The following SH3BP2 variants were observed in gnomAD, a reference collection of about 807,000 sequenced individuals.
SH3BP2 encodes the protein SH3 domain-binding protein 2.
A neutral mutation model predicts 56.2 loss-of-function variants in SH3BP2; 38 were observed. The ratio of observed to expected loss-of-function variants is 0.68; its 90% CI spans 0.52 to 0.89. The LOEUF is 0.89. Among genes scored for constraint, SH3BP2 ranks in the 40% least tolerant of loss-of-function variants. The pLI, the probability that SH3BP2 is intolerant of heterozygous loss-of-function variation, is 0.00. For synonymous variants in SH3BP2, 346 were observed against 316.7 expected, an observed-to-expected ratio of 1.09 and a Z score of -0.98; for missense variants, 748 against 762.6, an observed-to-expected ratio of 0.98 and a Z score of 0.23.
intron 12 of SH3BP2, 141 bp downstream of exon 12, chr4:2,833,190 A>G: frequency 1.3e-6 from 1 of 746,752 alleles, no homozygotes; most frequent in Non-Finnish European, 2.3e-6. Flanking sequence ...CCCCTCCACC[A>G]TCGCTCACCC....
chr4:2,807,333 C>G (rs763290153), intron 1 of SH3BP2, among the ~76,000 whole-genome samples: 1 of 152,212 alleles, frequency 6.6e-6, no homozygotes, highest in Non-Finnish European at 1.5e-5. Context: ...GTTACAACCT[C>G]GCTGGGGTCT....
intron 1 of SH3BP2, among the ~76,000 whole-genome samples, chr4:2,801,789 G>T (rs1723292001): frequency 6.6e-6 from 1 of 152,180 alleles, no homozygotes. Flanking sequence ...CAACATCCGG[G>T]AAAAAAACCC....
Position 2,803,994 on chromosome 4 carries a change from C to T in SH3BP2, c.-5+10856C>T, listed in dbSNP as rs1723429448. ...CTGAGTGCCTCCCCTGTGCCCGATA[C>T]CATGAGACTTCAGGCCGAGTGGAGT... On this transcript the variant is annotated intron_variant, in intron 1 of 12. Transcript: ENST00000503393. Among the ~76,000 whole-genome samples, 3 of 152,134 alleles carry T rather than the reference C, an allele frequency of 2.0e-5. No individual in the cohort carries two copies. The South Asian group carries it at 6.2e-4, about 32-fold the overall frequency.
At position 2,810,595 on chromosome 4, in the gene SH3BP2, A is replaced by G. The variant is rs898418584; in HGVS notation, c.-4-10019A>G. On this transcript the variant is annotated intron_variant, in intron 1 of 12. Transcript: ENST00000503393. The surrounding 1 kb of genome is among the most constrained non-coding windows in gnomAD (Gnocchi z 4.2). Reference sequence around the variant, plus strand: ...TCATCCCTGAAGCTGTGCGTTGGCCACCTCATTGCCTGTGGATTCCTCCCA... The same window carrying G: ...TCATCCCTGAAGCTGTGCGTTGGCCGCCTCATTGCCTGTGGATTCCTCCCA... Among the ~76,000 whole-genome samples the G allele has an allele frequency of 2.0e-5, 3 of 151,652 alleles. No homozygotes were observed. Among genetic ancestry groups the G allele is most frequent in the African/African-American group, 7.3e-5 (3 of 41,256 alleles).
intron 5 of SH3BP2, 71 bp from the exon 6 acceptor site, chr4:2,827,159 C>T (rs764951571): frequency 4.0e-6 from 5 of 1,244,708 alleles, no homozygotes; most frequent in Non-Finnish European, 4.7e-6. Flanking sequence ...CTGTGTGTAC[C>T]TTTGTGTGAG....
At chr4:2,818,337 G>A (rs946675007) in intron 1 of SH3BP2, 17 of 1,167,348 alleles carry the variant, frequency 1.5e-5, no homozygotes, top group Non-Finnish European at 1.8e-5. Flanking sequence ...GCTCGCAGGG[G>A]AGGCGGGCGT....
chr4:2,824,222 CAG>C (rs1442820022), intron 3 of SH3BP2, among the ~76,000 whole-genome samples: 6 of 152,214 alleles, frequency 3.9e-5, no homozygotes, highest in Non-Finnish European at 8.8e-5. Context: ...GAAATGCACT[CAG>C]GGCTGCTGCT....
At chr4:2,795,800 G>A (rs778449849) in intron 1 of SH3BP2, among the ~76,000 whole-genome samples, 1 of 152,176 alleles carries the variant, frequency 6.6e-6, no homozygotes, top group South Asian at 2.1e-4. Flanking sequence ...GTATGGAGGG[G>A]CCTGGGAGGC....
chr4:2,832,310 A>C (rs1183182679), intron 10 of SH3BP2, 21 bp from the exon 11 acceptor site: 3 of 1,601,512 alleles, frequency 1.9e-6, no homozygotes, highest in Non-Finnish European at 1.7e-6. Flanking sequence ...CTCACCCGCT[A>C]ATATGACTGT....
In SH3BP2 at chr4:2,794,912, G is replaced by C. The variant is rs536761835; in HGVS notation, c.-5+1774G>C. 4.0e-4 allele frequency among the ~76,000 whole-genome samples: 61 copies of C among 152,320 alleles called. No individual in the cohort carries two copies. The South Asian group carries it at 0.013, about 32-fold the overall frequency. Reference sequence around the variant, plus strand: ...CCAGAGAGACGAGATGGCCAGCCTTGGTTCCTGAGGGGCAGGGAGGAAGGG... The same window carrying C: ...CCAGAGAGACGAGATGGCCAGCCTTCGTTCCTGAGGGGCAGGGAGGAAGGG... On this transcript the variant is annotated intron_variant, in intron 1 of 12. Coordinates refer to ENST00000503393, the MANE Select transcript of SH3BP2 (RefSeq NM_001122681.2).
chr4:2,820,251 C>T (rs1014022297), intron 1 of SH3BP2, among the ~76,000 whole-genome samples: 4 of 152,214 alleles, frequency 2.6e-5, no homozygotes, highest in African/African-American at 9.7e-5. Context: ...TGAGGTCTCA[C>T]TTACCTGGGC....
In SH3BP2 at chr4:2,827,663, G is replaced by A. The variant is rs1278993439; in HGVS notation, c.575G>A (p.Gly192Glu). 1.4e-6 allele frequency: 2 copies of A among 1,399,366 alleles called. No homozygotes were observed. Among genetic ancestry groups the A allele is most frequent in the South Asian group, 1.2e-5 (1 of 84,632 alleles). 86.7% of individuals were successfully genotyped at this position (1,399,366 alleles called of 1,614,324 possible). Residue 192 changes from glycine to glutamate, a missense_variant, in exon 7 of 13, where the codon GGA becomes GAA. By Grantham distance (98) the Gly-to-Glu change is moderately conservative (BLOSUM62 -2). Around this residue, in one of 3 missense-constraint regions of SH3BP2, gnomAD observed 635 missense variants for 615.0 expected, o/e 1.03. Transcript: ENST00000503393. The part of the protein sequence containing the change: ...SYLEPDSPEP[G>E]RLEDALMHPP... ...CTGGAGCCTGACTCCCCGGAGCCCG[G>A]AAGGCTTGAGGGTAGGTGGGGCGGG...
chr4:2,814,953 A>G (rs1723929774), intron 1 of SH3BP2: 1 of 152,294 alleles, frequency 6.6e-6, no homozygotes, highest in South Asian at 2.1e-4. Flanking sequence ...GAATGAATGG[A>G]ATTTAACCAT....
At chr4:2,832,937 G>T (rs1234938441) in intron 11 of SH3BP2, 53 bp from the exon 12 acceptor site, 2 of 1,575,370 alleles carry the variant, frequency 1.3e-6, no homozygotes, top group Non-Finnish European at 1.7e-6. Flanking sequence ...GTCTCCCGAG[G>T]CTGGTCCCGC....
At chr4:2,833,567 C>A in intron 12 of SH3BP2, 130 bp from the exon 13 acceptor site, 2 of 1,259,592 alleles carry the variant, frequency 1.6e-6, no homozygotes, top group Middle Eastern at 2.1e-4. Flanking sequence ...GGGGCACCAC[C>A]GACAGCCAGG....
In SH3BP2 at chr4:2,829,724, C is replaced by T. The variant is rs759670540; in HGVS notation, c.818C>T (p.Thr273Ile). ...RAEPCPRVPA[T>I]PRRMSDPPLS... ...GAGCCTTGCCCCAGGGTACCTGCTA[C>T]CCCCCGAAGGATGAGCGATCCCCCT... is the stretch of plus-strand genomic sequence containing the variant. Residue 273 changes from threonine to isoleucine, a missense_variant, in exon 8 of 13, where the codon ACC becomes ATC. By Grantham distance (89) the Thr-to-Ile change is moderately conservative. Transcript: ENST00000503393. This position sits in a 1 kb window ranked among gnomAD's most constrained non-coding sequence, Gnocchi z 4.9. 1.2e-6 allele frequency: 2 copies of T among 1,612,546 alleles called. No homozygotes were observed. Among genetic ancestry groups the T allele is most frequent in the African/African-American group, 2.7e-5 (2 of 74,962 alleles).
chr4:2,811,369 C>T (rs1338010240), intron 1 of SH3BP2, among the ~76,000 whole-genome samples: 3 of 152,208 alleles, frequency 2.0e-5, no homozygotes, highest in Admixed American at 2.0e-4. Context: ...TGGCCTCTGT[C>T]ACCCTCAAAT....
Position 2,829,919 on chromosome 4 carries a change from A to T in SH3BP2, c.1013A>T (p.His338Leu). 1 of 1,613,518 alleles carries T rather than the reference A, an allele frequency of 6.2e-7. No homozygotes were observed. Among genetic ancestry groups the T allele is most frequent in the African/African-American group, 1.3e-5 (1 of 74,976 alleles). The change falls in exon 8 of 13, where the codon CAC becomes CTC. Residue 338 changes from histidine (H) to leucine (L), a missense_variant. Physicochemically the swap from His to Leu is moderately conservative, Grantham distance 99. This residue lies in a region of SH3BP2 where 635 missense variants were observed against 615.0 expected (regional missense o/e 1.03). Transcript: ENST00000503393. The surrounding 1 kb of genome is among the most constrained non-coding windows in gnomAD (Gnocchi z 4.9). ...AACTGTGACAAACTCAAGTCCTTCC[A>T]CCTGTCCCCCCGAGGACCACCCACA... ...SRNCDKLKSF[H>L]LSPRGPPTSE...
intron 1 of SH3BP2, among the ~76,000 whole-genome samples, chr4:2,803,040 G>A (rs534738936): frequency 6.6e-6 from 1 of 152,360 alleles, no homozygotes; most frequent in African/African-American, 2.4e-5. Context: ...GTGTGTGCAG[G>A]AGCTGCATGG....
Sources: gnomAD v4.1 joint callset for allele counts (sites outside exome capture counted in the v4.1 genomes callset) on GRCh38, gnomAD v4.1.1 for gene constraint, gnomAD v4.1.1 regional missense constraint, Gnocchi (gnomAD v3.1) non-coding constraint, MANE v1.5 for transcripts, NCBI Gene and HGNC (gene_info 2026-07-23, HGNC 2026-07-21) for gene names.